Variants in DNAH1 observed in about 807,000 individuals in gnomAD.
DNAH1 encodes dynein axonemal heavy chain 1.
In DNAH1, 327 loss-of-function variants were observed where a neutral mutation model predicts 484.3. The observed-to-expected ratio is 0.68, with a 90% CI of 0.62 to 0.74. DNAH1 has a LOEUF of 0.74. DNAH1 is among the 30% of genes least tolerant of loss of function. DNAH1 has a pLI of 0.00. For missense variants in DNAH1, 5,052 were observed against 5,546.8 expected (o/e 0.91, Z 2.83); for synonymous variants, 2,192 against 2,191.9 (o/e 1.00, Z 0.00).
At chr3:52,354,492 G>T (rs900204345) in intron 20 of DNAH1, among the ~76,000 whole-genome samples, 1 of 152,190 alleles carries the variant, frequency 6.6e-6, no homozygotes, top group African/African-American at 2.4e-5. Flanking sequence ...AAATAGTGGG[G>T]TGTGGTGGCA....
chr3:52,352,445 C>T lies in DNAH1; in HGVS notation c.2872-107C>T, dbSNP rs555990741. On this transcript the variant is annotated intron_variant, in intron 17 of 77. Coordinates refer to ENST00000420323, the MANE Select transcript of DNAH1 (RefSeq NM_015512.5). ...CCAGGAGAACAACCTCCTTAGAACT[C>T]GGAGGAGTGGACGTCCTGGGACCTC... The T allele has an allele frequency of 2.1e-5, 30 of 1,431,282 alleles. No homozygotes were observed. The East Asian group carries it at 6.9e-4, about 33-fold the overall frequency. 88.7% of individuals were successfully genotyped at this position (1,431,282 alleles called of 1,614,324 possible).
At position 52,351,709 on chromosome 3, in the gene DNAH1, T is replaced by TACA. The variant is rs1578123195; in HGVS notation, c.2730-253_2730-252insACA. 6.6e-5 allele frequency among the ~76,000 whole-genome samples: 10 copies of TACA among 152,220 alleles called. No individual in the cohort carries two copies. The East Asian group carries it at 1.9e-3, about 29-fold the overall frequency. ...CCATCACTACACTGGGCACCTTGGG[T>TACA]CTGCATCTCACTGGATGCAGACTGC... is the stretch of plus-strand genomic sequence containing the variant. On this transcript the variant is annotated intron_variant, in intron 16 of 77. Coordinates refer to ENST00000420323, the MANE Select transcript of DNAH1 (RefSeq NM_015512.5).
At chr3:52,322,123 TG>T (rs946443130) in intron 1 of DNAH1, among the ~76,000 whole-genome samples, 1 of 152,020 alleles carries the variant, frequency 6.6e-6, no homozygotes, top group Admixed American at 6.5e-5. Context: ...GTCGCATGCA[TG>T]GGTTGGGGGC....
At position 52,362,083 on chromosome 3, in the gene DNAH1, C is replaced by G. The variant is rs778051858; in HGVS notation, c.4981-305C>G. Among the ~76,000 whole-genome samples the G allele has an allele frequency of 6.6e-5, 10 of 152,250 alleles. No individual in the cohort carries two copies. Among genetic ancestry groups the G allele is most frequent in the South Asian group, 2.1e-4 (1 of 4,838 alleles). On this transcript the variant is annotated intron_variant, in intron 30 of 77. Transcript: ENST00000420323. The surrounding 1 kb of genome is among the most constrained non-coding windows in gnomAD (Gnocchi z 5.1). Reference sequence around the variant, plus strand: ...AGAGGCTAGCAGTTATCCCCTCCCCCACTTCCCCTAGTCAGGCTGAGCTTG... The same window carrying G: ...AGAGGCTAGCAGTTATCCCCTCCCCGACTTCCCCTAGTCAGGCTGAGCTTG...
intron 62 of DNAH1, 39 bp downstream of exon 62, chr3:52,391,367 T>C (rs761578475): frequency 1.3e-6 from 2 of 1,594,152 alleles, no homozygotes; most frequent in Non-Finnish European, 8.5e-7. Context: ...GCAGTAGGCC[T>C]GGACAGGGCA....
At position 52,396,817 on chromosome 3, in the gene DNAH1, G is replaced by A. The variant is rs1328784942; in HGVS notation, c.11610+20G>A. On this transcript the variant is annotated intron_variant, in intron 72 of 77. Transcript: ENST00000420323. ...TACAAGGTGGGCCTGGGGCAGACTG[G>A]GGCCTGGGGGACTGGGCACTTAGGG... is the stretch of plus-strand genomic sequence containing the variant. 3 of 1,612,536 alleles carry A rather than the reference G, an allele frequency of 1.9e-6. 1 individual carries two copies. The Admixed American group carries it at 5.0e-5, about 27-fold the overall frequency.
At chr3:52,350,382 G>A in intron 15 of DNAH1, 126 bp from the exon 16 acceptor site, 1 of 1,035,340 alleles carries the variant, frequency 9.7e-7, no homozygotes, top group Non-Finnish European at 1.5e-6. Context: ...CTCCTCCCCT[G>A]GCCCAGACCT....
At position 52,332,217 on chromosome 3, in the gene DNAH1, T is replaced by C. The variant is rs575394731; in HGVS notation, c.1109T>C (p.Met370Thr). 5.6e-6 allele frequency: 9 copies of C among 1,612,636 alleles called. No homozygotes were observed. In the East Asian group the frequency reaches 1.8e-4, roughly 32 times the overall value. Residue 370 changes from methionine to threonine, a missense_variant, in exon 8 of 78, where the codon ATG becomes ACG. Physicochemically the swap from Met to Thr is moderately conservative, Grantham distance 81 (BLOSUM62 -1). Coordinates refer to ENST00000420323, the MANE Select transcript of DNAH1 (RefSeq NM_015512.5). ...CTCTTCTGCGCTGAGGACCCTTGCA[T>C]GTTCGCACAACGTGTGGTCCAGGCC... ...QLLFCAEDPCMFAQRVVQANA... is the reference protein window; with the variant it reads ...QLLFCAEDPCTFAQRVVQANA...
At chr3:52,322,922 C>T (rs1701201847) in intron 2 of DNAH1, 147 bp downstream of exon 2, 2 of 739,728 alleles carry the variant, frequency 2.7e-6, no homozygotes, top group Admixed American at 2.7e-5. Context: ...TCCATCTACC[C>T]CCTATTATCC....
At chr3:52,325,662 T>C (rs6796333) in intron 3 of DNAH1, among the ~76,000 whole-genome samples, 29,704 of 152,092 alleles carry the variant, frequency 0.2, 3,385 homozygotes, top group African/African-American at 0.31. Flanking sequence ...CCTGCAGGGC[T>C]GGAGTAGTGG....
At position 52,379,095 on chromosome 3, in the gene DNAH1, C is replaced by T. The variant is rs889184861; in HGVS notation, c.7377+315C>T. On this transcript the variant is annotated intron_variant, in intron 47 of 77. Coordinates refer to ENST00000420323, the MANE Select transcript of DNAH1 (RefSeq NM_015512.5). This position sits in a 1 kb window ranked among gnomAD's most constrained non-coding sequence, Gnocchi z 4.4. ...CAGTGAGCAGGGTGCCCTCTGGGAA[C>T]CAAAAACCCCAGGTGGAAGGAGGGG... 9.9e-5 allele frequency among the ~76,000 whole-genome samples: 15 copies of T among 152,146 alleles called. No individual in the cohort carries two copies. The highest frequency in any genetic ancestry group is 1.9e-4 in the Non-Finnish European group (13 of 68,022).
chr3:52,365,040 G>A, intron 34 of DNAH1, 21 bp downstream of exon 34: 1 of 1,593,104 alleles, frequency 6.3e-7, no homozygotes, highest in Non-Finnish European at 8.6e-7. Context: ...GGCCCTGAGT[G>A]TTCGTGGAGG....
Position 52,361,172 on chromosome 3 carries a change from T to C in DNAH1, c.4694T>C (p.Leu1565Pro). 1 of 1,606,874 alleles carries C rather than the reference T, an allele frequency of 6.2e-7. No individual in the cohort carries two copies. Among genetic ancestry groups the C allele is most frequent in the South Asian group, 1.1e-5 (1 of 89,668 alleles). ...TCCTCTGTCTCCTGCAGGTGCTACC[T>C]GACACTGACCGGAGCTCTGCACCTC... ...VITPLTDRCY[L>P]TLTGALHLKF... Residue 1565 changes from leucine (L) to proline (P), a missense_variant, in exon 29 of 78, where the codon CTG becomes CCG. Around this residue, in one of 4 missense-constraint regions of DNAH1, gnomAD observed 2,929 missense variants for 3,409.4 expected, o/e 0.86. Coordinates refer to ENST00000420323, the MANE Select transcript of DNAH1 (RefSeq NM_015512.5). The surrounding 1 kb of genome is among the most constrained non-coding windows in gnomAD (Gnocchi z 5.6).
Position 52,386,834 on chromosome 3 carries a change from G to A in DNAH1, c.8984G>A (p.Ser2995Asn). Reference sequence around the variant, plus strand: ...CAGGACCCGGGCCACTTCCTTGAGAGCCTCTTCAAGTTTGACAAGGTAAGC... The same window carrying A: ...CAGGACCCGGGCCACTTCCTTGAGAACCTCTTCAAGTTTGACAAGGTAAGC... ...LLQDPGHFLE[S>N]LFKFDKDNIG... Residue 2995 changes from serine to asparagine, a missense_variant, in exon 56 of 78, where the codon AGC (serine) becomes AAC (asparagine). This residue lies in a region of DNAH1 where 2,929 missense variants were observed against 3,409.4 expected (regional missense o/e 0.86). Transcript: ENST00000420323. 6.3e-7 allele frequency: 1 copy of A among 1,578,320 alleles called. No individual in the cohort carries two copies. The highest frequency in any genetic ancestry group is 1.8e-5 in the Admixed American group (1 of 54,338).
chr3:52,351,976 A>G lies in DNAH1; in HGVS notation c.2744A>G (p.Asn915Ser), dbSNP rs61734643. ...ATCCCGGCCAGATGGATTGCCAGCA[A>G]CTGGCCTTCTAAGATCCTTGGGCAG... ...DDFNDKWIAS[N>S]WPSKILGQIE... is the part of the protein sequence containing the mutation. Residue 915 changes from asparagine (N) to serine (S), a missense_variant, in exon 17 of 78, where the codon AAC becomes AGC. Physicochemically the swap from Asn to Ser is conservative, Grantham distance 46 (BLOSUM62 1). Around this residue, in one of 4 missense-constraint regions of DNAH1, gnomAD observed 1,263 missense variants for 1,218.8 expected, o/e 1.04. Coordinates refer to ENST00000420323, the MANE Select transcript of DNAH1 (RefSeq NM_015512.5). 8,913 of 1,602,576 alleles carry G rather than the reference A, an allele frequency of 5.6e-3. 69 individuals carry two copies. Among genetic ancestry groups the G allele is most frequent in the South Asian group, 0.023 (2,058 of 88,400 alleles).
In DNAH1 at chr3:52,352,028, G is replaced by A. The variant is rs1318550701; in HGVS notation, c.2796G>A (p.Val932=). 6.3e-7 allele frequency: 1 copy of A among 1,596,496 alleles called. No individual in the cohort carries two copies. The highest frequency in any genetic ancestry group is 1.1e-5 in the South Asian group (1 of 87,652). ...GQIELVQQQH[V]EDEEKFRKIQ... is the part of the protein sequence containing the mutation. Reference sequence around the variant, plus strand: ...TAGAGCTGGTGCAGCAGCAGCATGTGGAGGATGAGGAGAAGTTCCGCAAAA... The same window carrying A: ...TAGAGCTGGTGCAGCAGCAGCATGTAGAGGATGAGGAGAAGTTCCGCAAAA... The change falls in exon 17 of 78, where the codon GTG becomes GTA. Residue 932 remains valine, a synonymous_variant. Transcript: ENST00000420323.
At chr3:52,374,582 G>C in intron 44 of DNAH1, 1 of 1,504,286 alleles carries the variant, frequency 6.6e-7, no homozygotes, top group African/African-American at 1.4e-5. Context: ...CACACTTCCA[G>C]GTGGCAGAGC....
rs768594365 is a variant in DNAH1, at chr3:52,355,086, G to A, written c.3693+31G>A. Reference sequence around the variant, plus strand: ...CCCTCCCCCCAGTCCTTCCCTCATCGCTCCCCCACTTCAGAGAGCCCGACC... The same window carrying A: ...CCCTCCCCCCAGTCCTTCCCTCATCACTCCCCCACTTCAGAGAGCCCGACC... On this transcript the variant is annotated intron_variant, in intron 21 of 77. Coordinates refer to ENST00000420323, the MANE Select transcript of DNAH1 (RefSeq NM_015512.5). The surrounding 1 kb of genome is among the most constrained non-coding windows in gnomAD (Gnocchi z 4.5). The A allele has an allele frequency of 1.9e-5, 31 of 1,602,854 alleles. No individual in the cohort carries two copies. The highest frequency in any genetic ancestry group is 4.5e-5 in the East Asian group (2 of 44,820).
Position 52,396,674 on chromosome 3 carries a change from G to A in DNAH1, c.11487G>A (p.Leu3829=), listed in dbSNP as rs1351938906. The A allele has an allele frequency of 3.7e-6, 6 of 1,613,616 alleles. No homozygotes were observed. The highest frequency in any genetic ancestry group is 5.1e-6 in the Non-Finnish European group (6 of 1,179,862). ...LSLCLFHGNA[L]ERRKFGPLGF... is the part of the protein sequence containing the mutation. Reference sequence around the variant, plus strand: ...TGTGCTTGTTCCATGGGAACGCCCTGGAGCGCCGTAAGTTTGGGCCCCTGG... The same window carrying A: ...TGTGCTTGTTCCATGGGAACGCCCTAGAGCGCCGTAAGTTTGGGCCCCTGG... The change falls in exon 72 of 78, where the codon CTG becomes CTA. Residue 3829 remains leucine, a synonymous_variant. Coordinates refer to ENST00000420323, the MANE Select transcript of DNAH1 (RefSeq NM_015512.5).
Sources: gnomAD v4.1 joint callset for allele counts (sites outside exome capture counted in the v4.1 genomes callset) on GRCh38, gnomAD v4.1.1 for gene constraint, gnomAD v4.1.1 regional missense constraint, Gnocchi (gnomAD v3.1) non-coding constraint, MANE v1.5 for transcripts, NCBI Gene and HGNC (gene_info 2026-07-23, HGNC 2026-07-21) for gene names.